The following GNE variants were observed in gnomAD, a reference collection of about 807,000 sequenced individuals.
The protein encoded by GNE is glucosamine (UDP-N-acetyl)-2-epimerase/N-acetylmannosamine kinase.
GNE carries 41 observed loss-of-function variants against 61.8 expected under a neutral mutation model. That is an observed-to-expected ratio of 0.66 (90% CI 0.52 to 0.86). GNE has a LOEUF of 0.86. Ranked by LOEUF, GNE falls within the 40% of genes least tolerant of loss-of-function variation. The pLI, the probability that GNE is intolerant of heterozygous loss-of-function variation, is 0.00. For synonymous variants in GNE, 264 were observed against 326.4 expected, an observed-to-expected ratio of 0.81 and a Z score of 2.06; for missense variants, 608 against 909.1, an observed-to-expected ratio of 0.67 and a Z score of 4.26.
At chr9:36,266,526 C>T (rs1442109486) in intron 1 of GNE, among the ~76,000 whole-genome samples, 2 of 152,212 alleles carry the variant, frequency 1.3e-5, no homozygotes, top group African/African-American at 4.8e-5. Flanking sequence ...GTAATCCCAG[C>T]AGTTTGGGAG....
At chr9:36,223,576 TC>T in intron 7 of GNE, 74 bp from the exon 8 acceptor site, 1 of 1,483,036 alleles carries the variant, frequency 6.7e-7, no homozygotes, top group Non-Finnish European at 9.4e-7. Context: ...GTGATCTTTT[TC>T]ATGACAAATT....
intron 9 of GNE, among the ~76,000 whole-genome samples, chr9:36,221,265 T>A (rs553324346): frequency 6.6e-6 from 1 of 152,186 alleles, no homozygotes; most frequent in Non-Finnish European, 1.5e-5. Context: ...TGAGCTGAGA[T>A]TGTGCGACTG....
intron 3 of GNE, among the ~76,000 whole-genome samples, chr9:36,244,120 C>T (rs530474703): frequency 6.6e-5 from 10 of 151,974 alleles, no homozygotes; most frequent in African/African-American, 2.2e-4. Flanking sequence ...CACAGCACCA[C>T]GCCCAGCTAA....
intron 2 of GNE, 75 bp from the exon 3 acceptor site, chr9:36,246,557 T>A: frequency 1.1e-6 from 1 of 899,694 alleles, no homozygotes; most frequent in South Asian, 1.4e-5. Flanking sequence ...AAAAGCAATC[T>A]AACACCAACT....
At chr9:36,276,974 G>A in exon 1 of GNE, 1 of 1,612,892 alleles carries the variant, frequency 6.2e-7, no homozygotes, top group Non-Finnish European at 8.5e-7. Flanking sequence ...ACCCTAGTGT[G>A]GTTTGAAATA....
chr9:36,276,600 A>G lies in GNE; in HGVS notation c.51+294T>C, dbSNP rs143985614. ...ATGAAACAGAGATCTCAAAAAGTAAAAGGAACCCCACTTTATCTGATGAAA... is the reference window on the plus strand; with the variant it reads ...ATGAAACAGAGATCTCAAAAAGTAAGAGGAACCCCACTTTATCTGATGAAA... On this transcript the variant is annotated intron_variant, in intron 1 of 11. Transcript: ENST00000396594. Among the ~76,000 whole-genome samples the G allele has an allele frequency of 5.1e-3, 779 of 152,282 alleles. 9 individuals are homozygous for G. The highest frequency in any genetic ancestry group is 0.017 in the African/African-American group (691 of 41,548).
At chr9:36,251,753 G>T (rs1830112596) in intron 1 of GNE, among the ~76,000 whole-genome samples, 1 of 152,192 alleles carries the variant, frequency 6.6e-6, no homozygotes, top group East Asian at 1.9e-4. Context: ...CTTTAGATGA[G>T]GGTAAACTCT....
intron 9 of GNE, among the ~76,000 whole-genome samples, chr9:36,221,930 C>T (rs1330901210): frequency 6.6e-6 from 1 of 152,164 alleles, no homozygotes; most frequent in Non-Finnish European, 1.5e-5. Context: ...AGTCCACACT[C>T]CCAGTACTGG....
intron 5 of GNE, among the ~76,000 whole-genome samples, chr9:36,231,099 G>GAGAGAA (rs1829133758): frequency 7.5e-6 from 1 of 132,792 alleles, no homozygotes. Context: ...GAAAGAGAGA[G>GAGAGAA]AGAGAAAGAG....
intron 1 of GNE, among the ~76,000 whole-genome samples, chr9:36,254,023 C>T (rs904073461): frequency 6.6e-6 from 1 of 151,090 alleles, no homozygotes; most frequent in Non-Finnish European, 1.5e-5. Flanking sequence ...GGAGACTGAT[C>T]GAGACTCCAT....
Position 36,216,161 on chromosome 9 carries a change from A to G in GNE, c.*1204T>C, listed in dbSNP as rs183365416. The G allele has an allele frequency of 1.0e-4, 40 of 383,756 alleles. 1 individual carries two copies. The East Asian group carries it at 3.1e-3, about 30-fold the overall frequency. 23.8% of individuals were successfully genotyped at this position (383,756 alleles called of 1,614,324 possible). On this transcript the variant is annotated 3_prime_UTR_variant, in exon 12 of 12. Transcript: ENST00000642385. The stretch of plus-strand genomic sequence containing the variant: ...TATGTCCAGTGTCTTGATTGTGGTG[A>G]TGCTTTCACAGGTATACATATGTCA...
At chr9:36,240,698 A>G (rs548879263) in intron 3 of GNE, among the ~76,000 whole-genome samples, 3 of 152,218 alleles carry the variant, frequency 2.0e-5, no homozygotes, top group South Asian at 4.1e-4. Context: ...TTCTTCCTCT[A>G]TCTTGTAGAA....
In GNE at chr9:36,216,095, T is replaced by C. The variant is rs940716998; in HGVS notation, c.*1270A>G. 2 of 324,266 alleles carry C rather than the reference T, an allele frequency of 6.2e-6. No individual in the cohort carries two copies. The highest frequency in any genetic ancestry group is 4.4e-5 in the African/African-American group (2 of 45,834). The allele number at this position is 324,266 out of a possible 1,614,324, so 20.1% of individuals were successfully genotyped here. On this transcript the variant is annotated 3_prime_UTR_variant, in exon 12 of 12. Transcript: ENST00000642385. ...TAATAACATCTTTCAACAAATGGTA[T>C]CCAGGATTAGGGGGGATATCTGAGA... is the stretch of plus-strand genomic sequence containing the variant.
In GNE at chr9:36,246,212, A is replaced by G. The variant is rs769087739; in HGVS notation, c.435T>C (p.Ser145=). ...GGEVSGTIDD[S]IRHAITKLAH... is the part of the protein sequence containing the mutation. ...CCAGTTTTGTTATGGCATGTCTGAT[A>G]GAGTCATCAATGGTCCCACTGACTT... The change falls in exon 3 of 12, where the codon TCT becomes TCC. Residue 145 remains serine, a synonymous_variant. Transcript: ENST00000642385. The G allele has an allele frequency of 1.2e-6, 2 of 1,614,242 alleles. No individual in the cohort carries two copies. Among genetic ancestry groups the G allele is most frequent in the South Asian group, 1.1e-5 (1 of 91,088 alleles).
intron 11 of GNE, 86 bp from the exon 12 acceptor site, chr9:36,217,686 A>G (rs1259305261): frequency 1.5e-5 from 12 of 825,070 alleles, no homozygotes; most frequent in Non-Finnish European, 2.5e-5. Context: ...AGCCAGCAGC[A>G]GAAATGTTAA....
rs747640708 is a variant in GNE at position 36,246,162 on chromosome 9, C to T, written c.485G>A (p.Arg162His). The change falls in exon 3 of 12, where the codon CGC becomes CAC. Residue 162 changes from arginine to histidine, a missense_variant. Arg to His is a conservative substitution (Grantham distance 29). Transcript: ENST00000642385. Reference sequence around the variant, plus strand: ...GGATATCAGGTGCTGCTCTGCACTGCGGGTGCAGCACACATGATAATGAGC... The same window carrying T: ...GGATATCAGGTGCTGCTCTGCACTGTGGGTGCAGCACACATGATAATGAGC... ...KLAHYHVCCT[R>H]SAEQHLISMC... The T allele has an allele frequency of 2.2e-5, 36 of 1,613,498 alleles. No homozygotes were observed. Among genetic ancestry groups the T allele is most frequent in the East Asian group, 6.7e-5 (3 of 44,886 alleles).
chr9:36,228,738 G>C (rs966488190), intron 6 of GNE, among the ~76,000 whole-genome samples: 1 of 144,012 alleles, frequency 6.9e-6, no homozygotes, highest in Non-Finnish European at 1.5e-5. Flanking sequence ...AGGTTGCAGT[G>C]AGCTGAGATG....
rs34737463 is a variant in GNE, at chr9:36,251,986, C to CTTTTTTTT, written c.-42-2597_-42-2590dup. Among the ~76,000 whole-genome samples the CTTTTTTTT allele has an allele frequency of 3.0e-5, 4 of 134,174 alleles. No homozygotes were observed. In the South Asian group the frequency reaches 9.7e-4, roughly 33 times the overall value. The allele number at this position is 134,174 out of a possible 152,430, so 88.0% of individuals were successfully genotyped here. ...TCAGAAGACCCAAGCACTATCTGAT[C>CTTTTTTTT]TTTTTTTTTTTTTTTTTGAGACAGA... On this transcript the variant is annotated intron_variant, in intron 1 of 11. Coordinates refer to ENST00000642385, the MANE Select transcript of GNE (RefSeq NM_005476.7).
At chr9:36,252,828 G>A (rs74487347) in intron 1 of GNE, among the ~76,000 whole-genome samples, 2 of 151,516 alleles carry the variant, frequency 1.3e-5, no homozygotes, top group Non-Finnish European at 2.9e-5. Context: ...TTCCCTGGAA[G>A]CAGTTACTGG....
Sources: allele counts gnomAD v4.1 joint callset (sites outside exome capture counted in the v4.1 genomes callset), GRCh38; gene constraint gnomAD v4.1.1; transcripts MANE v1.5; gene names NCBI Gene and HGNC (gene_info 2026-07-23, HGNC 2026-07-21).